PDE7B: variants seen among roughly 807,000 people sequenced by gnomAD.
PDE7B encodes 3',5'-cyclic-AMP phosphodiesterase 7B.
PDE7B carries 29 observed loss-of-function variants against 56.2 expected under a neutral mutation model. That is an observed-to-expected ratio of 0.52 (90% CI 0.38 to 0.70). The LOEUF is 0.70. Ranked by LOEUF, PDE7B falls within the 30% of genes least tolerant of loss-of-function variation. The pLI is 0.00. For missense variants in PDE7B, 490 were observed against 565.0 expected, an observed-to-expected ratio of 0.87 and a Z score of 1.35; for synonymous variants, 197 against 196.9, an observed-to-expected ratio of 1.00 and a Z score of 0.00.
chr6:136,016,288 G>T (rs1435951860), intron 2 of PDE7B, among the ~76,000 whole-genome samples: 1 of 152,164 alleles, frequency 6.6e-6, no homozygotes. Flanking sequence ...GTACATGGTA[G>T]GTTCTTTCTG....
chr6:135,907,533 T>G (rs1346918120), intron 1 of PDE7B, among the ~76,000 whole-genome samples: 1 of 152,132 alleles, frequency 6.6e-6, no homozygotes, highest in Non-Finnish European at 1.5e-5. Flanking sequence ...CAATACAAGC[T>G]ACTCTGCTAT....
intron 2 of PDE7B, among the ~76,000 whole-genome samples, chr6:136,089,248 G>A (rs1383299671): frequency 6.6e-6 from 1 of 152,190 alleles, no homozygotes; most frequent in Non-Finnish European, 1.5e-5. Flanking sequence ...AAAAAGAGGA[G>A]ACTTTCAAGC....
intron 9 of PDE7B, 121 bp downstream of exon 9, chr6:136,174,009 CTGCACTGAGCTGTCTATCAGAGGA>C: frequency 1.5e-6 from 1 of 688,618 alleles, no homozygotes; most frequent in Non-Finnish European, 2.6e-6. Flanking sequence ...TACTTCCTGC[CTGCACTGAGCTGTCTATCAGAGGA>C]GATTTGGTGT....
At chr6:136,143,883 A>G (rs1037209444) in intron 3 of PDE7B, among the ~76,000 whole-genome samples, 1 of 152,014 alleles carries the variant, frequency 6.6e-6, no homozygotes, top group East Asian at 1.9e-4. Flanking sequence ...CATCATTTCA[A>G]TTTGCTACAT....
At chr6:136,183,828 A>T (rs1779106082) in intron 11 of PDE7B, among the ~76,000 whole-genome samples, 1 of 152,094 alleles carries the variant, frequency 6.6e-6, no homozygotes, top group South Asian at 2.1e-4. Flanking sequence ...CTTTAATGTG[A>T]TTCATGATGT....
At chr6:136,063,601 C>T (rs1451815754) in intron 2 of PDE7B, among the ~76,000 whole-genome samples, 1 of 152,196 alleles carries the variant, frequency 6.6e-6, no homozygotes, top group Non-Finnish European at 1.5e-5. Flanking sequence ...TTATGCTATT[C>T]TCTGGGAAAT....
At chr6:136,019,506 T>C (rs1293632819) in intron 2 of PDE7B, among the ~76,000 whole-genome samples, 1 of 152,174 alleles carries the variant, frequency 6.6e-6, no homozygotes, top group Non-Finnish European at 1.5e-5. Flanking sequence ...ATATGCTTTT[T>C]GTCATTTTGT....
chr6:136,058,524 ATTACTT>A (rs1219550080), intron 2 of PDE7B, among the ~76,000 whole-genome samples: 1 of 152,246 alleles, frequency 6.6e-6, no homozygotes, highest in East Asian at 1.9e-4. Context: ...TACCTGGTTA[ATTACTT>A]TTAAGGTAAT....
At chr6:136,069,834 T>C (rs945835021) in intron 2 of PDE7B, among the ~76,000 whole-genome samples, 1 of 152,086 alleles carries the variant, frequency 6.6e-6, no homozygotes, top group African/African-American at 2.4e-5. Context: ...GAATGGTAAA[T>C]GAAGTGCTTA....
intron 2 of PDE7B, among the ~76,000 whole-genome samples, chr6:136,075,030 TTCCTC>T (rs772321393): frequency 3.3e-5 from 5 of 152,210 alleles, no homozygotes; most frequent in Non-Finnish European, 7.3e-5. Flanking sequence ...ATTCAATTGT[TTCCTC>T]TAGTAAGGAA....
intron 5 of PDE7B, among the ~76,000 whole-genome samples, chr6:136,150,742 C>T (rs906975874): frequency 2.0e-5 from 3 of 152,126 alleles, no homozygotes; most frequent in Admixed American, 6.5e-5. Context: ...CTGTGACTAT[C>T]AAGCAATATG....
intron 1 of PDE7B, among the ~76,000 whole-genome samples, chr6:135,885,440 A>G (rs1338451608): frequency 6.6e-6 from 1 of 151,784 alleles, no homozygotes; most frequent in Non-Finnish European, 1.5e-5. Flanking sequence ...TCTACACTCA[A>G]ATGTTTGAAA....
intron 2 of PDE7B, chr6:135,992,987 C>T (rs964871534): frequency 6.6e-6 from 1 of 152,174 alleles, no homozygotes; most frequent in East Asian, 1.9e-4. Flanking sequence ...GTGACTTGCC[C>T]AATGTCACAC....
chr6:136,100,246 T>A (rs1777539098), intron 2 of PDE7B, among the ~76,000 whole-genome samples: 1 of 152,242 alleles, frequency 6.6e-6, no homozygotes, highest in African/African-American at 2.4e-5. Context: ...AGGATTGTCT[T>A]GGCTATGCAG....
chr6:136,048,078 GGATA>G (rs544965036), intron 2 of PDE7B, among the ~76,000 whole-genome samples: 3,251 of 144,360 alleles, frequency 0.023, 59 homozygotes, highest in Non-Finnish European at 0.03. Flanking sequence ...ATGGGTGGAT[GGATA>G]GATAGATAGA....
At chr6:136,166,299 C>T (rs1329548016) in intron 8 of PDE7B, 1 of 152,390 alleles carries the variant, frequency 6.6e-6, no homozygotes, top group Admixed American at 6.5e-5. Flanking sequence ...CTCCCCCATC[C>T]ACATCTCCAT....
At chr6:136,009,850 C>T (rs1775857908) in intron 2 of PDE7B, among the ~76,000 whole-genome samples, 1 of 152,104 alleles carries the variant, frequency 6.6e-6, no homozygotes, top group Admixed American at 6.6e-5. Context: ...CTCTTTTCTT[C>T]TTCATTAGTC....
intron 2 of PDE7B, among the ~76,000 whole-genome samples, chr6:136,064,003 A>C (rs1314044260): frequency 2.6e-5 from 4 of 152,238 alleles, no homozygotes; most frequent in South Asian, 4.1e-4. Context: ...CTACATAATT[A>C]ATAATGTTGA....
rs377516608 is a variant in PDE7B at position 135,989,539 on chromosome 6, A to T, written c.82+42015A>T. Among the ~76,000 whole-genome samples the T allele has an allele frequency of 9.2e-5, 14 of 152,244 alleles. 1 individual carries two copies. The highest frequency in any genetic ancestry group is 5.2e-4 in the Admixed American group (8 of 15,280). On this transcript the variant is annotated intron_variant, in intron 2 of 12. Coordinates refer to ENST00000308191, the MANE Select transcript of PDE7B (RefSeq NM_018945.4). The stretch of plus-strand genomic sequence containing the variant: ...TGAGGCAGGAGAATAGCTTGAACCC[A>T]GGAGGCAGAGGTTGTGGTGAGCTGA...
Sources: gnomAD v4.1 joint callset for allele counts (sites outside exome capture counted in the v4.1 genomes callset) on GRCh38, gnomAD v4.1.1 for gene constraint, MANE v1.5 for transcripts, NCBI Gene and HGNC (gene_info 2026-07-23, HGNC 2026-07-21) for gene names.